JAK3: variants seen among roughly 807,000 people sequenced by gnomAD.
JAK3 encodes tyrosine-protein kinase JAK3.
Under a neutral mutation model 120.8 loss-of-function variants are expected in JAK3, and 88 were observed. The ratio of observed to expected loss-of-function variants is 0.73; its 90% CI spans 0.61 to 0.87. JAK3 has a LOEUF of 0.87. Ranked by LOEUF, JAK3 falls within the 40% of genes least tolerant of loss-of-function variation. JAK3 has a pLI of 0.00. For missense variants in JAK3, 1,254 were observed against 1,501.4 expected, an observed-to-expected ratio of 0.84 and a Z score of 2.72; for synonymous variants, 592 against 628.6, an observed-to-expected ratio of 0.94 and a Z score of 0.87.
At position 17,841,403 on chromosome 19, in the gene JAK3, G is replaced by A. The variant is rs2147694623; in HGVS notation, c.1128C>T (p.Cys376=). 1 of 1,551,040 alleles carries A rather than the reference G, an allele frequency of 6.4e-7. No homozygotes were observed. Among genetic ancestry groups the A allele is most frequent in the Non-Finnish European group, 8.7e-7 (1 of 1,148,406 alleles). The part of the protein sequence containing the change: ...PRLLEEVAEQ[C]HGPITLDFAI... ...CAGGTCCTTACGTGATGGGGCCGTG[G>A]CACTGCTCGGCCACTTCCTCCAGCA... The change falls in exon 8 of 24, where the codon TGC becomes TGT. Residue 376 remains cysteine, a synonymous_variant. Coordinates refer to ENST00000458235, the MANE Select transcript of JAK3 (RefSeq NM_000215.4). The surrounding 1 kb of genome is among the most constrained non-coding windows in gnomAD (Gnocchi z 4.1).
chr19:17,841,460 G>C lies in JAK3; in HGVS notation c.1071C>G (p.His357Gln). The C allele has an allele frequency of 6.4e-7, 1 of 1,557,836 alleles. No homozygotes were observed. The highest frequency in any genetic ancestry group is 8.7e-7 in the Non-Finnish European group (1 of 1,150,594). ...GYFRLTTDSQ[H>Q]FFCKEVAPPR... ...GCGGTGCCACCTCCTTGCAGAAGAA[G>C]TGCTGGGAGTCCGTGGTCAGCCGGA... Residue 357 changes from histidine (H) to glutamine (Q), a missense_variant, in exon 8 of 24, where the codon CAC becomes CAG. Physicochemically the swap from His to Gln is conservative, Grantham distance 24. This residue lies in a region of JAK3 where 486 missense variants were observed against 503.0 expected (regional missense o/e 0.97). Transcript: ENST00000458235. This position sits in a 1 kb window ranked among gnomAD's most constrained non-coding sequence, Gnocchi z 4.1.
chr19:17,834,914 C>G lies in JAK3; in HGVS notation c.2137G>C (p.Ala713Pro). 1 of 1,614,152 alleles carries G rather than the reference C, an allele frequency of 6.2e-7. No individual in the cohort carries two copies. The highest frequency in any genetic ancestry group is 8.5e-7 in the Non-Finnish European group (1 of 1,180,030). ...CCACTAAACACTTCCCAGACCGTGG[C>G]GCCGAAGCCCCACTTGTCAGCTTCC... is the stretch of plus-strand genomic sequence containing the variant. ...SLEADKWGFG[A>P]TVWEVFSGVT... Residue 713 changes from alanine to proline, a missense_variant, in exon 16 of 24, where the codon GCC becomes CCC. Ala to Pro is a conservative substitution (Grantham distance 27, BLOSUM62 -1). Coordinates refer to ENST00000458235, the MANE Select transcript of JAK3 (RefSeq NM_000215.4).
chr19:17,832,948 C>T lies in JAK3; in HGVS notation c.2351-19G>A, dbSNP rs1334960318. 1 of 1,606,448 alleles carries T rather than the reference C, an allele frequency of 6.2e-7. No individual in the cohort carries two copies. The highest frequency in any genetic ancestry group is 1.3e-5 in the African/African-American group (1 of 74,768). Reference sequence around the variant, plus strand: ...TCATAGTCTGGGGTGGGGGCATGGGCAGTGGTAAGCAGCGCCTCTCATCCT... The same window carrying T: ...TCATAGTCTGGGGTGGGGGCATGGGTAGTGGTAAGCAGCGCCTCTCATCCT... On this transcript the variant is annotated intron_variant, in intron 17 of 23. Transcript: ENST00000458235. The surrounding 1 kb of genome is among the most constrained non-coding windows in gnomAD (Gnocchi z 4.7).
rs945125325 is a variant in JAK3, at chr19:17,841,452, C to A, written c.1079G>T (p.Cys360Phe). The part of the protein sequence containing the change: ...RLTTDSQHFF[C>F]KEVAPPRLLE... ...CAGCCTCGGCGGTGCCACCTCCTTG[C>A]AGAAGAAGTGCTGGGAGTCCGTGGT... The change falls in exon 8 of 24, where the codon TGC (cysteine) becomes TTC (phenylalanine). Residue 360 changes from cysteine (C) to phenylalanine (F), a missense_variant. Cys to Phe is a radical substitution (Grantham distance 205). Transcript: ENST00000458235. This position sits in a 1 kb window ranked among gnomAD's most constrained non-coding sequence, Gnocchi z 4.1. The A allele has an allele frequency of 6.4e-7, 1 of 1,556,450 alleles. No homozygotes were observed. The highest frequency in any genetic ancestry group is 1.2e-5 in the South Asian group (1 of 84,748).
intron 17 of JAK3, among the ~76,000 whole-genome samples, chr19:17,834,045 T>C (rs2094219286): frequency 6.6e-6 from 1 of 151,904 alleles, no homozygotes; most frequent in Non-Finnish European, 1.5e-5. Context: ...CAGCCAAACA[T>C]TTTTTTAAAA....
Position 17,825,555 on chromosome 19 carries a change from G to C in JAK3, c.*1188C>G, listed in dbSNP as rs1791051988. ...AGCCACAGCAACTGCTCTTGTCCTT[G>C]GCTTCCTCCAGAGAAACAGAGATCG... On this transcript the variant is annotated 3_prime_UTR_variant, in exon 24 of 24. Transcript: ENST00000458235. The C allele has an allele frequency of 5.1e-6, 1 of 197,746 alleles. No individual in the cohort carries two copies. The highest frequency in any genetic ancestry group is 2.3e-5 in the African/African-American group (1 of 43,250). The allele number at this position is 197,746 out of a possible 1,614,324, so 12.2% of individuals were successfully genotyped here. A position where few individuals can be genotyped will look rare whatever the true frequency, so the allele number is the denominator to read the frequency against.
At position 17,842,274 on chromosome 19, in the gene JAK3, GC is replaced by G; in HGVS notation, c.861+41del. The stretch of plus-strand genomic sequence containing the variant: ...ACTCTCCGGCCCCTCCCCGAGCCCC[GC>G]CCCCACGTTGGCCCCGCCCAGCGGG... On this transcript the variant is annotated intron_variant, in intron 6 of 23. Transcript: ENST00000458235. This position sits in a 1 kb window ranked among gnomAD's most constrained non-coding sequence, Gnocchi z 6.4. 2.1e-6 allele frequency: 1 copy of G among 478,780 alleles called. No homozygotes were observed. The highest frequency in any genetic ancestry group is 3.8e-5 in the South Asian group (1 of 26,126). The allele number at this position is 478,780 out of a possible 1,614,324, so 29.7% of individuals were successfully genotyped here. A position where few individuals can be genotyped will look rare whatever the true frequency, so the allele number is the denominator to read the frequency against.
chr19:17,827,043 G>T, intron 23 of JAK3, 133 bp from the exon 24 acceptor site: 1 of 990,482 alleles, frequency 1.0e-6, no homozygotes, highest in Non-Finnish European at 1.5e-6. Flanking sequence ...GCAATGGCAT[G>T]ATCTCGGCTC....
At chr19:17,845,567 A>G (rs903880473) in intron 1 of JAK3, among the ~76,000 whole-genome samples, 3 of 152,116 alleles carry the variant, frequency 2.0e-5, no homozygotes, top group African/African-American at 7.2e-5. Flanking sequence ...GGATCACTTG[A>G]GGCTAGGATT....
Position 17,830,129 on chromosome 19 carries a change from C to T in JAK3, c.3186G>A (p.Ala1062=), listed in dbSNP as rs2147673870. The T allele has an allele frequency of 6.3e-7, 1 of 1,583,674 alleles. No individual in the cohort carries two copies. Among genetic ancestry groups the T allele is most frequent in the Non-Finnish European group, 8.6e-7 (1 of 1,166,324 alleles). Residue 1062 remains alanine, a synonymous_variant, in exon 23 of 24, where the codon GCG becomes GCA. Transcript: ENST00000458235. ...ELLEEGQRLP[A]PPACPAEVHE... ...TCACCTCAGCAGGGCAGGCAGGAGG[C>T]GCCGGCAGCCTCTGGCCCTCCTCCA...
At chr19:17,838,562 T>A (rs1471058879) in intron 10 of JAK3, among the ~76,000 whole-genome samples, 172 bp from the exon 11 acceptor site, 3 of 152,162 alleles carry the variant, frequency 2.0e-5, no homozygotes, top group African/African-American at 4.8e-5. Context: ...CTGCTGCTGT[T>A]GAGACGGAGT....
chr19:17,839,141 G>T, intron 10 of JAK3: 1 of 436,176 alleles, frequency 2.3e-6, no homozygotes, highest in South Asian at 1.8e-5. Flanking sequence ...ACCAGGGATC[G>T]GTTCTACCAG....
intron 14 of JAK3, 133 bp downstream of exon 14, chr19:17,835,791 G>C (rs1448016828): frequency 5.5e-6 from 6 of 1,099,266 alleles, no homozygotes; most frequent in East Asian, 5.1e-5. Flanking sequence ...CTCACAACCT[G>C]AACCTAAAAT....
chr19:17,844,295 T>C lies in JAK3; in HGVS notation c.123A>G (p.Leu41=), dbSNP rs112114429. 8.1e-6 allele frequency: 13 copies of C among 1,606,888 alleles called. No individual in the cohort carries two copies. Among genetic ancestry groups the C allele is most frequent in the African/African-American group, 1.3e-5 (1 of 74,780 alleles). The change falls in exon 2 of 24, where the codon CTA becomes CTG. Residue 41 remains leucine (L), a synonymous_variant. Transcript: ENST00000458235. ...CCAAGTGGTCCCCAAAGGAGAAAGATAGGCGCTGGGGGGGCCCGGGGCCCC... is the reference window on the plus strand; with the variant it reads ...CCAAGTGGTCCCCAAAGGAGAAAGACAGGCGCTGGGGGGGCCCGGGGCCCC... ...PARGPGPPQR[L]SFSFGDHLAE...
chr19:17,839,983 C>A (rs994523217), intron 9 of JAK3, among the ~76,000 whole-genome samples: 1 of 152,144 alleles, frequency 6.6e-6, no homozygotes, highest in East Asian at 1.9e-4. Flanking sequence ...TCTTGATCTG[C>A]CTACCTCAGC....
chr19:17,837,174 A>G lies in JAK3; in HGVS notation c.1741T>C (p.Tyr581His), dbSNP rs1414929375. ...EAASLMSQVS[Y>H]RHLVLLHGVC... ...CCGTGGAGCAGCACGAGATGCCGGTACGACACTTGGCTCATCAAGCTCGCT... is the reference window on the plus strand; with the variant it reads ...CCGTGGAGCAGCACGAGATGCCGGTGCGACACTTGGCTCATCAAGCTCGCT... The change falls in exon 13 of 24, where the codon TAC becomes CAC. Residue 581 changes from tyrosine (Y) to histidine (H), a missense_variant. Tyr to His is a moderately conservative substitution (Grantham distance 83). Transcript: ENST00000458235. 6.4e-7 allele frequency: 1 copy of G among 1,572,992 alleles called. No homozygotes were observed. The highest frequency in any genetic ancestry group is 8.6e-7 in the Non-Finnish European group (1 of 1,159,084).
Position 17,842,301 on chromosome 19 carries a change from G to T in JAK3, c.861+15C>A. 1 of 1,554,204 alleles carries T rather than the reference G, an allele frequency of 6.4e-7. No homozygotes were observed. ...CCCCACGTTGGCCCCGCCCAGCGGGGGAGTCCGCCCTCACCTCCTGTTCTC... is the reference window on the plus strand; with the variant it reads ...CCCCACGTTGGCCCCGCCCAGCGGGTGAGTCCGCCCTCACCTCCTGTTCTC... On this transcript the variant is annotated intron_variant, in intron 6 of 23. Transcript: ENST00000458235. This position sits in a 1 kb window ranked among gnomAD's most constrained non-coding sequence, Gnocchi z 6.4.
At chr19:17,828,207 T>C (rs898734782) in intron 23 of JAK3, among the ~76,000 whole-genome samples, 2 of 147,808 alleles carry the variant, frequency 1.4e-5, no homozygotes, top group African/African-American at 5.0e-5. Context: ...AAGGCACTTA[T>C]CACTACCATA....
At chr19:17,829,946 T>G in intron 23 of JAK3, 162 bp downstream of exon 23, 2 of 681,490 alleles carry the variant, frequency 2.9e-6, no homozygotes, top group Admixed American at 4.2e-5. Flanking sequence ...GTGCTCTGAC[T>G]TGCCACACAG....
Sources: allele counts gnomAD v4.1 joint callset (sites outside exome capture counted in the v4.1 genomes callset), GRCh38; gene constraint gnomAD v4.1.1; regional missense constraint gnomAD v4.1.1; non-coding constraint Gnocchi (gnomAD v3.1); transcripts MANE v1.5; gene names NCBI Gene and HGNC (gene_info 2026-07-23, HGNC 2026-07-21).